RASL11A: variants seen among roughly 807,000 people sequenced by gnomAD.
RASL11A encodes RAS like family 11 member A.
In RASL11A, 14 loss-of-function variants were observed where a neutral mutation model predicts 17.1. The ratio of observed to expected loss-of-function variants is 0.82; its 90% CI spans 0.54 to 1.28. RASL11A has a LOEUF of 1.28. Ranked by LOEUF, RASL11A falls within the 50% of genes most tolerant of loss-of-function variation. RASL11A has a pLI of 0.00. For synonymous variants in RASL11A, 146 were observed against 132.5 expected, an observed-to-expected ratio of 1.10 and a Z score of -0.70; for missense variants, 283 against 312.3, an observed-to-expected ratio of 0.91 and a Z score of 0.71.
At chr13:27,271,090 G>A (rs1440549768) in intron 1 of RASL11A, 22 bp downstream of exon 1, 2 of 1,547,302 alleles carry the variant, frequency 1.3e-6, no homozygotes, top group East Asian at 2.5e-5. Context: ...GGGGACCCCC[G>A]GGCGGCTTCG....
chr13:27,273,265 A>G lies in RASL11A; in HGVS notation c.500A>G (p.Asn167Ser), dbSNP rs780814903. The G allele has an allele frequency of 6.2e-7, 1 of 1,614,236 alleles. No individual in the cohort carries two copies. The highest frequency in any genetic ancestry group is 1.1e-5 in the South Asian group (1 of 91,088). Residue 167 changes from asparagine to serine, a missense_variant, in exon 4 of 4, where the codon AAT (asparagine) becomes AGT (serine). By Grantham distance (46) the Asn-to-Ser change is conservative. Transcript: ENST00000241463. ...VQTQDGIQLA[N>S]ELGSLFLEIS... Reference sequence around the variant, plus strand: ...ACACAGGACGGTATTCAGCTAGCCAATGAGCTGGGCAGCCTGTTCCTTGAA... The same window carrying G: ...ACACAGGACGGTATTCAGCTAGCCAGTGAGCTGGGCAGCCTGTTCCTTGAA...
intron 1 of RASL11A, 120 bp downstream of exon 1, chr13:27,271,188 G>T: frequency 6.8e-7 from 1 of 1,463,490 alleles, no homozygotes; most frequent in Non-Finnish European, 9.0e-7. Flanking sequence ...GGTAGAATCG[G>T]GCTGCTTTCG....
chr13:27,272,343 G>A (rs1394159739), intron 3 of RASL11A, among the ~76,000 whole-genome samples: 2 of 152,198 alleles, frequency 1.3e-5, no homozygotes, highest in Admixed American at 6.5e-5. Flanking sequence ...ATGTTGGCCA[G>A]GCTGGTCTCG....
chr13:27,270,846 C>T lies in RASL11A; in HGVS notation c.-99C>T, dbSNP rs1882254462. The T allele has an allele frequency of 6.8e-7, 1 of 1,476,456 alleles. No homozygotes were observed. Among genetic ancestry groups the T allele is most frequent in the East Asian group, 2.6e-5 (1 of 38,800 alleles). The allele number at this position is 1,476,456 out of a possible 1,614,324, so 91.5% of individuals were successfully genotyped here. ...CAGTTCTGCAGGCAGCCGCCGCGGT[C>T]CCGGACCTCTAGTCCCGCACTCCCA... is the stretch of plus-strand genomic sequence containing the variant. On this transcript the variant is annotated 5_prime_UTR_variant, in exon 1 of 4. Coordinates refer to ENST00000241463, the MANE Select transcript of RASL11A (RefSeq NM_206827.2).
chr13:27,271,228 T>G, intron 1 of RASL11A, 160 bp downstream of exon 1: 2 of 1,448,440 alleles, frequency 1.4e-6, no homozygotes, highest in East Asian at 5.0e-5. Flanking sequence ...CGTCCCGGCC[T>G]GCTTCCCTGG....
rs1258824205 is a variant in RASL11A at position 27,273,853 on chromosome 13, T to C, written c.*359T>C. Among the ~76,000 whole-genome samples the C allele has an allele frequency of 2.0e-5, 3 of 152,046 alleles. No homozygotes were observed. The highest frequency in any genetic ancestry group is 7.2e-5 in the African/African-American group (3 of 41,390). On this transcript the variant is annotated 3_prime_UTR_variant, in exon 4 of 4. Transcript: ENST00000241463. ...CTCCATGCTTGCCCTCAGTCTGAACTCTGATTGGTGTCTCGCAGTGGGGAG... is the reference window on the plus strand; with the variant it reads ...CTCCATGCTTGCCCTCAGTCTGAACCCTGATTGGTGTCTCGCAGTGGGGAG...
In RASL11A at chr13:27,271,500, C is replaced by T. The variant is rs769905131; in HGVS notation, c.141C>T (p.Phe47=). The part of the protein sequence containing the change: ...RVGKSAMIVR[F]LTKRFIGDYE... ...CCTTTTCAGCAATGATCGTGCGCTT[C>T]CTGACCAAGAGATTCATTGGAGACT... Residue 47 remains phenylalanine (F), a synonymous_variant, in exon 2 of 4, where the codon TTC becomes TTT. Coordinates refer to ENST00000241463, the MANE Select transcript of RASL11A (RefSeq NM_206827.2). The T allele has an allele frequency of 3.7e-6, 6 of 1,614,238 alleles. No individual in the cohort carries two copies. The Admixed American group carries it at 5.0e-5, about 13-fold the overall frequency.
intron 3 of RASL11A, 142 bp downstream of exon 3, chr13:27,271,860 T>G (rs1053307143): frequency 9.3e-6 from 6 of 648,360 alleles, no homozygotes. Context: ...AGGAATGGGC[T>G]GTCCACAGGT....
rs780008956 is a variant in RASL11A, at chr13:27,271,048, C to T, written c.104C>T (p.Ala35Val). 13 of 1,578,946 alleles carry T rather than the reference C, an allele frequency of 8.2e-6. No homozygotes were observed. Among genetic ancestry groups the T allele is most frequent in the Non-Finnish European group, 1.1e-5 (13 of 1,162,304 alleles). Reference sequence around the variant, plus strand: ...GACATCAAACTGGCGGTGCTGGGCGCCGGCCGCGTGGGCAAGAGCGGTGAG... The same window carrying T: ...GACATCAAACTGGCGGTGCTGGGCGTCGGCCGCGTGGGCAAGAGCGGTGAG... ...PKDIKLAVLG[A>V]GRVGKSAMIV... Residue 35 changes from alanine to valine, a missense_variant, in exon 1 of 4, where the codon GCC becomes GTC. Coordinates refer to ENST00000241463, the MANE Select transcript of RASL11A (RefSeq NM_206827.2).
chr13:27,271,878 G>A (rs550344879), intron 3 of RASL11A, among the ~76,000 whole-genome samples, 160 bp downstream of exon 3: 295 of 152,304 alleles, frequency 1.9e-3, no homozygotes, highest in Non-Finnish European at 3.4e-3. Flanking sequence ...GGTGGGGCCA[G>A]TGGTTGGGGT....
rs142913743 is a variant in RASL11A, at chr13:27,273,401, C to A, written c.636C>A (p.Ile212=). 308 of 1,614,186 alleles carry A rather than the reference C, an allele frequency of 1.9e-4. No homozygotes were observed. The African/African-American group carries it at 3.8e-3, about 20-fold the overall frequency. ...GGGAAAGAAGAAGAGCCTCCATCAT[C>A]CCTCGGCCCCGCTCTCCCAACATGC... ...LSGERRRASI[I]PRPRSPNMQD... The change falls in exon 4 of 4, where the codon ATC becomes ATA. Residue 212 remains isoleucine (I), a synonymous_variant. Transcript: ENST00000241463.
intron 3 of RASL11A, among the ~76,000 whole-genome samples, chr13:27,272,298 A>G (rs564323817): frequency 6.6e-6 from 1 of 152,070 alleles, no homozygotes; most frequent in Non-Finnish European, 1.5e-5. Context: ...CTATTTATCT[A>G]TTTATTTATT....
chr13:27,274,247 G>C lies in RASL11A; in HGVS notation c.*753G>C, dbSNP rs1367178209. ...TAAAGCCTCACTGTCCCTTAATCTA[G>C]ACCTCCCTTTGACTGGCAGGCAAGA... On this transcript the variant is annotated 3_prime_UTR_variant, in exon 4 of 4. Coordinates refer to ENST00000241463, the MANE Select transcript of RASL11A (RefSeq NM_206827.2). Among the ~76,000 whole-genome samples the C allele has an allele frequency of 6.6e-6, 1 of 151,996 alleles. No individual in the cohort carries two copies. The highest frequency in any genetic ancestry group is 1.5e-5 in the Non-Finnish European group (1 of 68,002).
At chr13:27,272,296 CTATTTATT>C (rs776628810) in intron 3 of RASL11A, among the ~76,000 whole-genome samples, 5 of 152,212 alleles carry the variant, frequency 3.3e-5, no homozygotes, top group South Asian at 2.1e-4. Context: ...AGCTATTTAT[CTATTTATT>C]TATTTATTAG....
chr13:27,272,329 C>T (rs1008644007), intron 3 of RASL11A, among the ~76,000 whole-genome samples: 2 of 152,184 alleles, frequency 1.3e-5, no homozygotes, highest in African/African-American at 4.8e-5. Flanking sequence ...GATGGGGTTT[C>T]ACTATGTTGG....
intron 3 of RASL11A, among the ~76,000 whole-genome samples, 188 bp downstream of exon 3, chr13:27,271,906 G>C (rs1354716529): frequency 3.3e-5 from 5 of 152,190 alleles, no homozygotes; most frequent in Admixed American, 1.3e-4. Flanking sequence ...ACTCTCTAAG[G>C]GGGAGGCATG....
chr13:27,272,139 C>T (rs1374633006), intron 3 of RASL11A, among the ~76,000 whole-genome samples: 1 of 152,100 alleles, frequency 6.6e-6, no homozygotes, highest in Non-Finnish European at 1.5e-5. Context: ...TTTTTTGAGA[C>T]GGAGTTTCAC....
rs1882257753 is a variant in RASL11A, at chr13:27,270,918, T to G, written c.-27T>G. 1 of 1,569,010 alleles carries G rather than the reference T, an allele frequency of 6.4e-7. No individual in the cohort carries two copies. Among genetic ancestry groups the G allele is most frequent in the African/African-American group, 1.4e-5 (1 of 73,134 alleles). ...GCGGCGAGGCCCAGCCCTCTCGGAT[T>G]GCGCGCCGGACCCCGGGACGCGCTC... On this transcript the variant is annotated 5_prime_UTR_variant, in exon 1 of 4. The change creates a new upstream start codon in the 5' untranslated region. Coordinates refer to ENST00000241463, the MANE Select transcript of RASL11A (RefSeq NM_206827.2).
Position 27,273,640 on chromosome 13 carries a change from A to C in RASL11A, c.*146A>C. ...CATGTGTATTTCTGAAAATTCAAAC[A>C]GTGATTGCCTAGAAGCTGGATAAAA... On this transcript the variant is annotated 3_prime_UTR_variant, in exon 4 of 4. Transcript: ENST00000241463. 1 of 530,272 alleles carries C rather than the reference A, an allele frequency of 1.9e-6. No homozygotes were observed. The highest frequency in any genetic ancestry group is 3.1e-6 in the Non-Finnish European group (1 of 317,672). 32.8% of individuals were successfully genotyped at this position (530,272 alleles called of 1,614,324 possible).
Sources: allele counts gnomAD v4.1 joint callset (sites outside exome capture counted in the v4.1 genomes callset), GRCh38; gene constraint gnomAD v4.1.1; transcripts MANE v1.5; gene names NCBI Gene and HGNC (gene_info 2026-07-23, HGNC 2026-07-21).